CHRM5: variants seen among roughly 807,000 people sequenced by gnomAD.
The protein encoded by CHRM5 is muscarinic acetylcholine receptor M5.
CHRM5 carries 18 observed loss-of-function variants against 39.0 expected under a neutral mutation model. The ratio of observed to expected loss-of-function variants is 0.46; its 90% CI spans 0.32 to 0.68. CHRM5 has a LOEUF of 0.68. Ranked by LOEUF, CHRM5 falls within the 30% of genes least tolerant of loss-of-function variation. The pLI, the probability that CHRM5 is intolerant of heterozygous loss-of-function variation, is 0.04. For synonymous variants in CHRM5, 241 were observed against 246.3 expected, an observed-to-expected ratio of 0.98 and a Z score of 0.20; for missense variants, 515 against 651.1, an observed-to-expected ratio of 0.79 and a Z score of 2.28.
intron 1 of CHRM5, among the ~76,000 whole-genome samples, chr15:34,003,699 C>G (rs977240555): frequency 5.9e-5 from 9 of 152,082 alleles, no homozygotes; most frequent in African/African-American, 2.2e-4. Flanking sequence ...ACTAGGAAAA[C>G]ACTATTACAT....
intron 1 of CHRM5, among the ~76,000 whole-genome samples, chr15:33,969,706 T>A (rs1895545279): frequency 6.6e-6 from 1 of 152,078 alleles, no homozygotes; most frequent in East Asian, 1.9e-4. Flanking sequence ...AGGGCTAATT[T>A]ATCCTAAAGA....
intron 1 of CHRM5, among the ~76,000 whole-genome samples, chr15:34,026,588 A>T (rs1384027684): frequency 6.6e-6 from 1 of 152,130 alleles, no homozygotes; most frequent in African/African-American, 2.4e-5. Context: ...TAAATCAGGT[A>T]CTCAAATTTT....
chr15:34,059,767 C>G (rs1386637870), intron 2 of CHRM5, among the ~76,000 whole-genome samples: 1 of 152,230 alleles, frequency 6.6e-6, no homozygotes, highest in Non-Finnish European at 1.5e-5. Context: ...ACTCTTAGGT[C>G]TCTTCCTCAG....
chr15:33,996,241 C>T (rs543756237), intron 1 of CHRM5, among the ~76,000 whole-genome samples: 2 of 152,212 alleles, frequency 1.3e-5, no homozygotes, highest in African/African-American at 2.4e-5. Flanking sequence ...AGACCCCACC[C>T]CTGGGGGCAG....
intron 1 of CHRM5, chr15:34,038,756 G>T: frequency 8.6e-7 from 1 of 1,159,268 alleles, no homozygotes; most frequent in Non-Finnish European, 1.1e-6. Context: ...CGCGGTCCCA[G>T]CCCCACCAGC....
At chr15:33,971,762 C>T (rs112937115) in intron 1 of CHRM5, among the ~76,000 whole-genome samples, 23 of 152,058 alleles carry the variant, frequency 1.5e-4, no homozygotes, top group African/African-American at 5.3e-4. Flanking sequence ...CTTAATTCAA[C>T]TGGGCATTTC....
intron 1 of CHRM5, among the ~76,000 whole-genome samples, chr15:33,983,148 G>A (rs938429286): frequency 1.5e-5 from 2 of 137,638 alleles, no homozygotes; most frequent in African/African-American, 5.7e-5. Context: ...GTGTGTGTGT[G>A]TGTGTGTGTG....
Position 34,064,010 on chromosome 15 carries a change from A to T in CHRM5, c.1293A>T (p.Arg431Ser). ...GCCATCAAATGACCAAACGAAAGAG[A>T]GTGGTCCTAGTCAAAGAGAGGAAAG... ...NPSHQMTKRK[R>S]VVLVKERKAA... The change falls in exon 3 of 3, where the codon AGA becomes AGT. Residue 431 changes from arginine (R) to serine (S), a missense_variant. By Grantham distance (110) the Arg-to-Ser change is moderately radical. Coordinates refer to ENST00000383263, the MANE Select transcript of CHRM5 (RefSeq NM_012125.4). 6.2e-7 allele frequency: 1 copy of T among 1,614,154 alleles called. No homozygotes were observed. Among genetic ancestry groups the T allele is most frequent in the Non-Finnish European group, 8.5e-7 (1 of 1,180,034 alleles).
chr15:33,995,870 G>A (rs1174583008), intron 1 of CHRM5, among the ~76,000 whole-genome samples: 1 of 152,240 alleles, frequency 6.6e-6, no homozygotes, highest in African/African-American at 2.4e-5. Flanking sequence ...GCTGAAGCGG[G>A]GCGGGGCGCT....
rs558951046 is a variant in CHRM5, at chr15:34,063,305, C to G, written c.588C>G (p.Gly196=). Residue 196 remains glycine, a synonymous_variant, in exon 3 of 3, where the codon GGC becomes GGG. Transcript: ENST00000383263. The surrounding 1 kb of genome is among the most constrained non-coding windows in gnomAD (Gnocchi z 4.1). ...TCTCTGAGCCCACCATCACTTTTGG[C>G]ACTGCCATTGCTGCCTTCTACATCC... The part of the protein sequence containing the change: ...QFLSEPTITF[G]TAIAAFYIPV... 3 of 1,614,152 alleles carry G rather than the reference C, an allele frequency of 1.9e-6. No homozygotes were observed. The African/African-American group carries it at 4.0e-5, about 22-fold the overall frequency.
At chr15:34,003,762 A>G (rs1238068554) in intron 1 of CHRM5, among the ~76,000 whole-genome samples, 1 of 152,228 alleles carries the variant, frequency 6.6e-6, no homozygotes, top group East Asian at 1.9e-4. Context: ...ATGGTACTAC[A>G]TTTATACATA....
At chr15:34,051,416 A>G (rs1899920997) in intron 2 of CHRM5, among the ~76,000 whole-genome samples, 1 of 152,232 alleles carries the variant, frequency 6.6e-6, no homozygotes, top group Non-Finnish European at 1.5e-5. Context: ...AAAACCTAAC[A>G]TCACAACAAA....
chr15:34,045,983 G>A (rs1349082632), intron 1 of CHRM5, among the ~76,000 whole-genome samples: 1 of 151,970 alleles, frequency 6.6e-6, no homozygotes, highest in African/African-American at 2.4e-5. Context: ...TCTTAATGCT[G>A]GTATCCTAAA....
intron 2 of CHRM5, among the ~76,000 whole-genome samples, chr15:34,062,229 T>G (rs1235334313): frequency 6.6e-6 from 1 of 152,210 alleles, no homozygotes; most frequent in South Asian, 2.1e-4. Context: ...GCTCTGAATA[T>G]GTGTGCAGCC....
intron 1 of CHRM5, among the ~76,000 whole-genome samples, chr15:34,033,620 T>A (rs1025372665): frequency 3.3e-5 from 5 of 152,198 alleles, no homozygotes; most frequent in African/African-American, 9.7e-5. Context: ...TAACATTTTT[T>A]AAGTCAACAT....
chr15:34,038,872 A>AGCCCCG, intron 1 of CHRM5: 10 of 1,146,604 alleles, frequency 8.7e-6, no homozygotes, highest in East Asian at 4.5e-5. Flanking sequence ...GCGCCGCGGA[A>AGCCCCG]GCCCCGGCCA....
chr15:34,047,262 A>G (rs1597386191), intron 2 of CHRM5, among the ~76,000 whole-genome samples: 7 of 152,054 alleles, frequency 4.6e-5, no homozygotes, highest in Admixed American at 4.6e-4. Context: ...TATTTTTAGT[A>G]GAGACGGGGT....
chr15:33,979,352 T>A (rs964707771), intron 1 of CHRM5, among the ~76,000 whole-genome samples: 1 of 152,062 alleles, frequency 6.6e-6, no homozygotes, highest in Middle Eastern at 3.4e-3. Context: ...CAAAACCATA[T>A]ACAAAAATTA....
At chr15:34,042,246 A>C (rs1193126849) in intron 1 of CHRM5, among the ~76,000 whole-genome samples, 1 of 152,232 alleles carries the variant, frequency 6.6e-6, no homozygotes, top group Non-Finnish European at 1.5e-5. Flanking sequence ...TTTTAAACAT[A>C]TGCCATTGCA....
Sources: gnomAD v4.1 joint callset for allele counts (sites outside exome capture counted in the v4.1 genomes callset) on GRCh38, gnomAD v4.1.1 for gene constraint, Gnocchi (gnomAD v3.1) non-coding constraint, MANE v1.5 for transcripts, NCBI Gene and HGNC (gene_info 2026-07-23, HGNC 2026-07-21) for gene names.